Variants in FAM135B observed in about 807,000 individuals in gnomAD.
FAM135B encodes family with sequence similarity 135 member B.
In FAM135B, 43 loss-of-function variants were observed where a neutral mutation model predicts 127.7. The observed-to-expected ratio is 0.34, with a 90% CI of 0.26 to 0.43. The LOEUF (loss-of-function observed/expected upper bound fraction) is 0.43. Ranked by LOEUF, FAM135B falls within the 20% of genes least tolerant of loss-of-function variation. The probability of loss-of-function intolerance (pLI) is 1.00; values close to 1 mark genes in which losing one functional copy is unlikely to be tolerated. For synonymous variants in FAM135B, 670 were observed against 665.1 expected, an observed-to-expected ratio of 1.01 and a Z score of -0.11; for missense variants, 1,558 against 1,725.6, an observed-to-expected ratio of 0.90 and a Z score of 1.72.
rs117435706 is a variant in FAM135B at position 138,207,712 on chromosome 8, A to T, written c.670-10043T>A. On this transcript the variant is annotated intron_variant, in intron 7 of 19. Transcript: ENST00000395297. ...TAAAGTCTTTTCAACACGGAGGGAC[A>T]CCCATTAGCATAATAATCCTGGCCT... Among the ~76,000 whole-genome samples, 137 of 152,268 alleles carry T rather than the reference A, an allele frequency of 9.0e-4. 1 individual carries two copies. The highest frequency in any genetic ancestry group is 3.4e-3 in the Middle Eastern group (1 of 294).
At chr8:138,407,651 G>A (rs113819809) in intron 1 of FAM135B, among the ~76,000 whole-genome samples, 91 of 152,196 alleles carry the variant, frequency 6.0e-4, no homozygotes, top group African/African-American at 2.1e-3. Flanking sequence ...AAAACAAGCA[G>A]TGGGGAAAGG....
chr8:138,167,058 T>G (rs190054345), intron 12 of FAM135B, among the ~76,000 whole-genome samples: 5 of 151,982 alleles, frequency 3.3e-5, no homozygotes, highest in African/African-American at 4.8e-5. Context: ...TACACACCAA[T>G]TCACCTAATG....
Position 138,131,131 on chromosome 8 carries a change from G to A in FAM135B, c.*1462C>T, listed in dbSNP as rs939411942. 1 of 152,124 alleles carries A rather than the reference G, an allele frequency of 6.6e-6. No homozygotes were observed. Among genetic ancestry groups the A allele is most frequent in the Non-Finnish European group, 1.5e-5 (1 of 68,024 alleles). The allele number at this position is 152,124 out of a possible 1,614,324, so 9.4% of individuals were successfully genotyped here. On this transcript the variant is annotated 3_prime_UTR_variant, in exon 20 of 20. Transcript: ENST00000395297. ...TTCTCAAATGAGCTTAGATTTACTT[G>A]GTTTTGTTACCATGGCATCAGTGAC...
chr8:138,270,605 A>G (rs1448669083), intron 3 of FAM135B, among the ~76,000 whole-genome samples: 1 of 152,236 alleles, frequency 6.6e-6, no homozygotes, highest in Non-Finnish European at 1.5e-5. Flanking sequence ...GGAGGCTGGG[A>G]AGTCCAATAT....
chr8:138,285,687 T>G (rs910102717), intron 3 of FAM135B, among the ~76,000 whole-genome samples: 2 of 152,240 alleles, frequency 1.3e-5, no homozygotes, highest in Admixed American at 6.5e-5. Flanking sequence ...GTACACTTAC[T>G]TCAAGGGAGT....
intron 1 of FAM135B, among the ~76,000 whole-genome samples, chr8:138,466,096 G>A (rs912824252): frequency 2.1e-4 from 32 of 152,262 alleles, no homozygotes; most frequent in African/African-American, 7.7e-4. Context: ...TTTTAAATCT[G>A]ATCTATGGCT....
chr8:138,365,173 A>G (rs1830663624), intron 2 of FAM135B, among the ~76,000 whole-genome samples: 1 of 152,102 alleles, frequency 6.6e-6, no homozygotes, highest in Non-Finnish European at 1.5e-5. Context: ...TGTTCTCCCA[A>G]AAAACATTAG....
In FAM135B at chr8:138,316,974, C is replaced by T. The variant is rs533484926; in HGVS notation, c.78-6054G>A. Among the ~76,000 whole-genome samples the T allele has an allele frequency of 3.2e-4, 47 of 145,738 alleles. No homozygotes were observed. The East Asian group carries it at 8.8e-3, about 27-fold the overall frequency. On this transcript the variant is annotated intron_variant, in intron 2 of 19. Transcript: ENST00000395297. ...TAGCCTGGGGGACAGAGCAAGACTCCATCTCAAAAAAAAAAAAAAATTAAA... is the reference window on the plus strand; with the variant it reads ...TAGCCTGGGGGACAGAGCAAGACTCTATCTCAAAAAAAAAAAAAAATTAAA...
chr8:138,289,466 AG>A (rs1326441002), intron 3 of FAM135B, among the ~76,000 whole-genome samples: 1 of 152,224 alleles, frequency 6.6e-6, no homozygotes, highest in African/African-American at 2.4e-5. Flanking sequence ...TGTCTGCTTT[AG>A]CCCCAAAGCT....
Position 138,242,749 on chromosome 8 carries a change from G to A in FAM135B, c.669+193C>T, listed in dbSNP as rs1263708274. On this transcript the variant is annotated intron_variant, in intron 7 of 19. Transcript: ENST00000395297. This position sits in a 1 kb window ranked among gnomAD's most constrained non-coding sequence, Gnocchi z 9.6. ...ACCATATTCCCTGTATCTATCCCAG[G>A]GCTTGGCCTTAGAAATATGTCTGAT... Among the ~76,000 whole-genome samples, 1 of 152,084 alleles carries A rather than the reference G, an allele frequency of 6.6e-6. No homozygotes were observed. Among genetic ancestry groups the A allele is most frequent in the Non-Finnish European group, 1.5e-5 (1 of 68,024 alleles).
intron 7 of FAM135B, among the ~76,000 whole-genome samples, chr8:138,214,490 GCACA>G (rs1156319294): frequency 6.6e-6 from 1 of 152,138 alleles, no homozygotes; most frequent in African/African-American, 2.4e-5. Flanking sequence ...ATGTGAGGGA[GCACA>G]CAGACTAATG....
chr8:138,381,066 G>A (rs569293711), intron 1 of FAM135B, among the ~76,000 whole-genome samples: 1 of 152,046 alleles, frequency 6.6e-6, no homozygotes, highest in Non-Finnish European at 1.5e-5. Context: ...TGAGATATCC[G>A]GGTCCTTAGA....
chr8:138,179,774 G>A (rs1468652302), intron 9 of FAM135B, among the ~76,000 whole-genome samples: 2 of 152,078 alleles, frequency 1.3e-5, no homozygotes. Context: ...GCTCACTGCA[G>A]CCTCGAATTC....
At chr8:138,315,553 C>CA (rs1827023852) in intron 2 of FAM135B, among the ~76,000 whole-genome samples, 1 of 151,972 alleles carries the variant, frequency 6.6e-6, no homozygotes, top group Admixed American at 6.6e-5. Flanking sequence ...CACAATAGCC[C>CA]AGATACAGAA....
At chr8:138,353,926 C>T (rs1829930053) in intron 2 of FAM135B, among the ~76,000 whole-genome samples, 1 of 152,058 alleles carries the variant, frequency 6.6e-6, no homozygotes, top group African/African-American at 2.4e-5. Context: ...ACATCAACTC[C>T]TCTTGCTGCT....
At chr8:138,171,871 TGTATGTTTTCCTGA>T (rs1254252340) in intron 11 of FAM135B, among the ~76,000 whole-genome samples, 1 of 152,172 alleles carries the variant, frequency 6.6e-6, no homozygotes, top group Non-Finnish European at 1.5e-5. Context: ...CATGTGTGCA[TGTATGTTTTCCTGA>T]GTGTATGCAA....
chr8:138,151,122 C>T (rs1047600311), intron 13 of FAM135B, 72 bp downstream of exon 13: 13 of 1,149,876 alleles, frequency 1.1e-5, no homozygotes, highest in Admixed American at 9.3e-5. Flanking sequence ...AAACAGTATG[C>T]ATGAAATGGA....
At chr8:138,247,122 G>C (rs1821350190) in intron 6 of FAM135B, among the ~76,000 whole-genome samples, 1 of 152,328 alleles carries the variant, frequency 6.6e-6, no homozygotes, top group African/African-American at 2.4e-5. Flanking sequence ...AGGCAGAAGG[G>C]ACTTGCCTTG....
intron 2 of FAM135B, among the ~76,000 whole-genome samples, chr8:138,313,233 G>C (rs999278933): frequency 1.3e-5 from 2 of 152,124 alleles, no homozygotes; most frequent in African/African-American, 4.8e-5. Context: ...CCGGGTTCAA[G>C]TGATTCTCCT....
Sources: gnomAD v4.1 joint callset for allele counts (sites outside exome capture counted in the v4.1 genomes callset) on GRCh38, gnomAD v4.1.1 for gene constraint, Gnocchi (gnomAD v3.1) non-coding constraint, MANE v1.5 for transcripts, NCBI Gene and HGNC (gene_info 2026-07-23, HGNC 2026-07-21) for gene names.